Variants in TTC39C observed in about 807,000 individuals in gnomAD.
TTC39C encodes tetratricopeptide repeat protein 39C.
Under a neutral mutation model 76.3 loss-of-function variants are expected in TTC39C, and 33 were observed. The observed-to-expected ratio is 0.43, with a 90% CI of 0.33 to 0.58. The LOEUF (loss-of-function observed/expected upper bound fraction) is 0.58. TTC39C is among the 20% of genes least tolerant of loss of function. TTC39C has a pLI of 0.04. For missense variants in TTC39C, 595 were observed against 701.4 expected (o/e 0.85, Z 1.71); for synonymous variants, 254 against 260.6 (o/e 0.97, Z 0.24).
intron 1 of TTC39C, among the ~76,000 whole-genome samples, chr18:24,059,121 G>A (rs962770870): frequency 6.6e-6 from 1 of 152,096 alleles, no homozygotes; most frequent in Non-Finnish European, 1.5e-5. Context: ...TTGTCTTGAT[G>A]TCTGTTCAAG....
At chr18:24,009,427 T>C (rs1348070844) in intron 1 of TTC39C, among the ~76,000 whole-genome samples, 2 of 152,170 alleles carry the variant, frequency 1.3e-5, no homozygotes, top group South Asian at 2.1e-4. Context: ...AGAGAAGTAA[T>C]GGACATTCAC....
intron 4 of TTC39C, among the ~76,000 whole-genome samples, chr18:24,078,756 G>A (rs369819722): frequency 3.1e-5 from 2 of 64,188 alleles, no homozygotes; most frequent in African/African-American, 1.1e-4. Flanking sequence ...GACAAATTCC[G>A]GACTCCCAGA....
chr18:24,017,872 A>G (rs1192193395), intron 1 of TTC39C, among the ~76,000 whole-genome samples: 2 of 152,190 alleles, frequency 1.3e-5, no homozygotes, highest in Non-Finnish European at 2.9e-5. Context: ...CGTATTTTGT[A>G]TCTAGTGTAA....
chr18:24,108,769 G>A (rs759003389), intron 6 of TTC39C, among the ~76,000 whole-genome samples: 9 of 152,068 alleles, frequency 5.9e-5, no homozygotes, highest in African/African-American at 1.2e-4. Context: ...CACAGAACAC[G>A]CATGAGTTTG....
At chr18:24,028,998 C>G (rs2083633321) in intron 1 of TTC39C, among the ~76,000 whole-genome samples, 1 of 152,188 alleles carries the variant, frequency 6.6e-6, no homozygotes, top group African/African-American at 2.4e-5. Context: ...GCTGCGATTA[C>G]AGGCATGGGC....
At chr18:24,105,842 A>G (rs1275846977) in intron 6 of TTC39C, among the ~76,000 whole-genome samples, 1 of 152,174 alleles carries the variant, frequency 6.6e-6, no homozygotes, top group Non-Finnish European at 1.5e-5. Context: ...TCTGGGCTAG[A>G]TGTCCAAAAT....
At chr18:24,112,217 C>T (rs8088229) in intron 6 of TTC39C, among the ~76,000 whole-genome samples, 3 of 152,202 alleles carry the variant, frequency 2.0e-5, no homozygotes, top group Non-Finnish European at 2.9e-5. Context: ...CTCTTCTCTC[C>T]TATGTGTGTC....
chr18:24,119,344 A>G (rs2084937315), intron 8 of TTC39C, among the ~76,000 whole-genome samples: 1 of 152,238 alleles, frequency 6.6e-6, no homozygotes, highest in Admixed American at 6.5e-5. Context: ...TTGCAGCCAC[A>G]TGAGTGGTTC....
chr18:24,091,965 C>A (rs553041938), intron 6 of TTC39C, among the ~76,000 whole-genome samples: 1 of 151,246 alleles, frequency 6.6e-6, no homozygotes, highest in Non-Finnish European at 1.5e-5. Flanking sequence ...TGGTAGCGGG[C>A]GCCTGTAGTC....
At chr18:24,119,413 C>T (rs148499159) in intron 8 of TTC39C, among the ~76,000 whole-genome samples, 13 of 152,250 alleles carry the variant, frequency 8.5e-5, no homozygotes, top group Non-Finnish European at 1.6e-4. Flanking sequence ...TTATTCTTAA[C>T]GTTCAGATTT....
chr18:23,994,077 A>G (rs1056966504), intron 1 of TTC39C: 1 of 152,214 alleles, frequency 6.6e-6, no homozygotes, highest in African/African-American at 2.4e-5. Context: ...AAAAGATATG[A>G]AGCTCTGGCA....
chr18:24,069,346 C>A, intron 4 of TTC39C, 75 bp downstream of exon 4: 1 of 1,255,722 alleles, frequency 8.0e-7, no homozygotes, highest in Non-Finnish European at 1.1e-6. Flanking sequence ...TTTAAGAATG[C>A]CTTATATTTC....
intron 1 of TTC39C, among the ~76,000 whole-genome samples, chr18:24,021,707 C>G (rs1190282624): frequency 6.6e-6 from 1 of 151,998 alleles, no homozygotes; most frequent in Non-Finnish European, 1.5e-5. Context: ...TTTGCACCAC[C>G]CTTTTCCCTA....
At chr18:24,024,390 G>A (rs1036510649) in intron 1 of TTC39C, among the ~76,000 whole-genome samples, 1 of 152,026 alleles carries the variant, frequency 6.6e-6, no homozygotes, top group Non-Finnish European at 1.5e-5. Context: ...TTGCACCCTT[G>A]TATAATGAAG....
chr18:24,003,947 A>T (rs185680955), intron 1 of TTC39C, among the ~76,000 whole-genome samples: 70 of 152,226 alleles, frequency 4.6e-4, no homozygotes, highest in Middle Eastern at 3.4e-3. Flanking sequence ...TGAGGATCTC[A>T]CTATGTTGCC....
intron 1 of TTC39C, among the ~76,000 whole-genome samples, chr18:24,037,926 A>G (rs968148485): frequency 1.3e-5 from 2 of 152,166 alleles, no homozygotes; most frequent in Admixed American, 6.5e-5. Flanking sequence ...TTCAGGCGAC[A>G]TGTTTCTTCA....
In TTC39C at chr18:24,092,111, A is replaced by AT. The variant is rs1191338935; in HGVS notation, c.984+9030_984+9031insT. On this transcript the variant is annotated intron_variant, in intron 6 of 13. Transcript: ENST00000317571. ...CAGTCTCAAAAAAAAAAAAAAAAAA[A>AT]AAAAAAAAAAAAAATAATAATAATA... 3.5e-3 allele frequency among the ~76,000 whole-genome samples: 464 copies of AT among 131,916 alleles called. 8 individuals are homozygous for AT. The highest frequency in any genetic ancestry group is 0.032 in the East Asian group (151 of 4,674). The allele number at this position is 131,916 out of a possible 152,430, so 86.5% of individuals were successfully genotyped here. A position where few individuals can be genotyped will look rare whatever the true frequency, so the allele number is the denominator to read the frequency against.
chr18:24,008,156 T>C (rs979985088), intron 1 of TTC39C, among the ~76,000 whole-genome samples: 3 of 152,114 alleles, frequency 2.0e-5, no homozygotes, highest in Non-Finnish European at 4.4e-5. Flanking sequence ...GTCCAACTCA[T>C]CCCCTCTGTA....
intron 1 of TTC39C, among the ~76,000 whole-genome samples, chr18:24,036,922 C>T (rs2083739407): frequency 6.6e-6 from 1 of 152,134 alleles, no homozygotes; most frequent in African/African-American, 2.4e-5. Flanking sequence ...CGTGAGCCAC[C>T]GTGCCTGGCC....
Sources: allele counts gnomAD v4.1 joint callset (sites outside exome capture counted in the v4.1 genomes callset), GRCh38; gene constraint gnomAD v4.1.1; transcripts MANE v1.5; gene names NCBI Gene and HGNC (gene_info 2026-07-23, HGNC 2026-07-21).